Variants in PREX2 observed in about 807,000 individuals in gnomAD.
The protein encoded by PREX2 is phosphatidylinositol 3,4,5-trisphosphate-dependent Rac exchanger 2 protein.
In PREX2, 107 loss-of-function variants were observed where a neutral mutation model predicts 203.2. That is an observed-to-expected ratio of 0.53 (90% CI 0.45 to 0.62). The LOEUF is 0.62. Ranked by LOEUF, PREX2 falls within the 20% of genes least tolerant of loss-of-function variation. PREX2 has a pLI of 0.00. For synonymous variants in PREX2, 672 were observed against 663.6 expected, an observed-to-expected ratio of 1.01 and a Z score of -0.19; for missense variants, 1,777 against 1,955.9, an observed-to-expected ratio of 0.91 and a Z score of 1.72.
intron 37 of PREX2, among the ~76,000 whole-genome samples, chr8:68,215,906 C>G (rs1423402711): frequency 1.3e-5 from 2 of 152,178 alleles, no homozygotes; most frequent in African/African-American, 4.8e-5. Flanking sequence ...GGCTGTTCTG[C>G]AGCTTGCATG....
intron 11 of PREX2, among the ~76,000 whole-genome samples, chr8:68,068,295 TTCA>T (rs1397713928): frequency 1.3e-5 from 2 of 152,104 alleles, no homozygotes. Flanking sequence ...TTTGGTAGAA[TTCA>T]TCAGTGAAGG....
chr8:68,047,488 T>TATATATATACACATAC (rs1808395769), intron 8 of PREX2, among the ~76,000 whole-genome samples: 1 of 110,392 alleles, frequency 9.1e-6, no homozygotes, highest in African/African-American at 5.1e-5. Context: ...TATATATATA[T>TATATATATACACATAC]ATATATATAT....
chr8:68,227,181 C>T, intron 39 of PREX2, among the ~76,000 whole-genome samples: 1 of 152,092 alleles, frequency 6.6e-6, no homozygotes, highest in East Asian at 1.9e-4. Flanking sequence ...TTGAGGACAG[C>T]TAAGACTGAA....
At position 68,090,581 on chromosome 8, in the gene PREX2, A is replaced by G; in HGVS notation, c.2116A>G (p.Thr706Ala). 5.6e-6 allele frequency: 9 copies of G among 1,604,278 alleles called. No homozygotes were observed. The highest frequency in any genetic ancestry group is 7.7e-6 in the Non-Finnish European group (9 of 1,172,866). ...PSVVHAVGRG[T>A]VAAAAGLHPG... ...TATTTTCTCATTTGTATTTATAGGA[A>G]CTGTGGCTGCAGCAGCTGGTCTTCA... Residue 706 changes from threonine to alanine, a missense_variant and splice_region_variant, in exon 20 of 40, where the codon ACT (threonine) becomes GCT (alanine). Transcript: ENST00000288368.
intron 35 of PREX2, among the ~76,000 whole-genome samples, chr8:68,169,888 A>G (rs1179716640): frequency 6.6e-6 from 1 of 152,158 alleles, no homozygotes; most frequent in Admixed American, 6.5e-5. Flanking sequence ...AATGAGAAAG[A>G]CAGAAAATGA....
chr8:67,970,321 A>G (rs979259061), intron 1 of PREX2, among the ~76,000 whole-genome samples: 7 of 152,246 alleles, frequency 4.6e-5, no homozygotes, highest in African/African-American at 1.7e-4. Flanking sequence ...AAAAAATATA[A>G]TAAATAAAAA....
At chr8:68,026,225 A>G (rs1194484079) in intron 4 of PREX2, among the ~76,000 whole-genome samples, 4 of 152,060 alleles carry the variant, frequency 2.6e-5, no homozygotes, top group Non-Finnish European at 5.9e-5. Context: ...GGACACACAT[A>G]TTGAGGCTGA....
intron 25 of PREX2, among the ~76,000 whole-genome samples, chr8:68,113,662 A>C (rs1006513937): frequency 6.6e-6 from 1 of 152,094 alleles, no homozygotes; most frequent in African/African-American, 2.4e-5. Flanking sequence ...TTCAAATCTC[A>C]CCTCGCTGTG....
chr8:68,105,626 A>G (rs890433549), intron 23 of PREX2: 4 of 1,051,940 alleles, frequency 3.8e-6, no homozygotes, highest in East Asian at 1.5e-4. Flanking sequence ...AATTGTATAT[A>G]TACAGTCATG....
intron 27 of PREX2, among the ~76,000 whole-genome samples, chr8:68,119,075 T>C (rs1369252773): frequency 6.6e-6 from 1 of 152,214 alleles, no homozygotes; most frequent in East Asian, 1.9e-4. Flanking sequence ...TTGATATAAT[T>C]ATCTTATAAA....
At chr8:67,992,675 C>G (rs774192419) in intron 1 of PREX2, among the ~76,000 whole-genome samples, 3 of 152,178 alleles carry the variant, frequency 2.0e-5, no homozygotes, top group Non-Finnish European at 1.5e-5. Flanking sequence ...GTCAATGGCA[C>G]TATGACTGTA....
At chr8:68,129,701 T>C (rs563994680) in intron 31 of PREX2, among the ~76,000 whole-genome samples, 155 of 152,232 alleles carry the variant, frequency 1.0e-3, no homozygotes, top group African/African-American at 3.5e-3. Context: ...ACAGCCAAGA[T>C]TAAATAGTGT....
intron 37 of PREX2, among the ~76,000 whole-genome samples, chr8:68,207,486 T>C (rs9792403): frequency 0.15 from 23,107 of 152,104 alleles, 2,562 homozygotes; most frequent in East Asian, 0.62. Flanking sequence ...AAAATAAGTA[T>C]GTATTGAATG....
At chr8:68,221,832 A>C (rs192034352) in intron 38 of PREX2, among the ~76,000 whole-genome samples, 5 of 152,342 alleles carry the variant, frequency 3.3e-5, no homozygotes, top group Admixed American at 1.3e-4. Context: ...ACTATAGACA[A>C]AAAGCATTGT....
chr8:68,073,544 T>G (rs982212750), intron 14 of PREX2, among the ~76,000 whole-genome samples: 1 of 152,214 alleles, frequency 6.6e-6, no homozygotes, highest in African/African-American at 2.4e-5. Flanking sequence ...ATATTATTTT[T>G]AGGCTGTTCA....
intron 30 of PREX2, among the ~76,000 whole-genome samples, chr8:68,125,960 T>A (rs1184522270): frequency 6.6e-6 from 1 of 152,088 alleles, no homozygotes; most frequent in Non-Finnish European, 1.5e-5. Context: ...ATCGTGTTCA[T>A]AATTTCACTA....
intron 35 of PREX2, among the ~76,000 whole-genome samples, chr8:68,168,761 T>G (rs1585841573): frequency 6.6e-6 from 1 of 152,334 alleles, no homozygotes; most frequent in Non-Finnish European, 1.5e-5. Flanking sequence ...ACCAATTCTT[T>G]ATAGGGGCTC....
intron 22 of PREX2, among the ~76,000 whole-genome samples, chr8:68,098,448 A>AT (rs1810153649): frequency 6.6e-6 from 1 of 152,076 alleles, no homozygotes; most frequent in Non-Finnish European, 1.5e-5. Context: ...CATCATTCTG[A>AT]TGATGTTGTA....
intron 35 of PREX2, among the ~76,000 whole-genome samples, chr8:68,190,657 A>G (rs1236297601): frequency 2.6e-5 from 4 of 152,192 alleles, no homozygotes; most frequent in East Asian, 3.9e-4. Flanking sequence ...AATGGTCACT[A>G]TTTGAGTGAT....
Sources: gnomAD v4.1 joint callset for allele counts (sites outside exome capture counted in the v4.1 genomes callset) on GRCh38, gnomAD v4.1.1 for gene constraint, MANE v1.5 for transcripts, NCBI Gene and HGNC (gene_info 2026-07-23, HGNC 2026-07-21) for gene names.